The following PTPRD variants were observed in gnomAD, a reference collection of about 807,000 sequenced individuals.
PTPRD encodes the protein protein tyrosine phosphatase receptor type D.
PTPRD carries 34 observed loss-of-function variants against 214.5 expected under a neutral mutation model. That is an observed-to-expected ratio of 0.16 (90% confidence interval 0.12 to 0.21). The LOEUF is 0.21. Ranked by LOEUF, PTPRD falls within the 10% of genes least tolerant of loss-of-function variation. The pLI, the probability that PTPRD is intolerant of heterozygous loss-of-function variation, is 1.00. For missense variants in PTPRD, 2,545 were observed against 2,398.7 expected (o/e 1.06, Z -1.27); for synonymous variants, 1,128 against 845.7 (o/e 1.33, Z -5.79).
intron 2 of PTPRD, among the ~76,000 whole-genome samples, chr9:10,446,970 T>TA (rs1390631905): frequency 6.6e-6 from 1 of 152,160 alleles, no homozygotes; most frequent in African/African-American, 2.4e-5. Flanking sequence ...AAAGGGTATT[T>TA]AGTGAGACGA....
intron 9 of PTPRD, among the ~76,000 whole-genome samples, chr9:9,210,460 T>G (rs1306811524): frequency 6.6e-6 from 1 of 152,208 alleles, no homozygotes; most frequent in African/African-American, 2.4e-5. Flanking sequence ...ATAATTTATT[T>G]TAATGCCTAC....
intron 11 of PTPRD, among the ~76,000 whole-genome samples, chr9:8,893,290 G>T (rs1037568176): frequency 6.6e-6 from 1 of 152,170 alleles, no homozygotes; most frequent in Non-Finnish European, 1.5e-5. Context: ...ATTGTATTGG[G>T]CAGCAGCCAC....
intron 9 of PTPRD, among the ~76,000 whole-genome samples, chr9:9,241,080 C>G (rs1018779084): frequency 1.3e-5 from 2 of 152,022 alleles, no homozygotes; most frequent in Non-Finnish European, 2.9e-5. Flanking sequence ...TGTGAACGTG[C>G]TCATCGAGAT....
At chr9:9,129,011 A>G (rs2099838428) in intron 10 of PTPRD, among the ~76,000 whole-genome samples, 2 of 152,354 alleles carry the variant, frequency 1.3e-5, no homozygotes, top group Admixed American at 1.3e-4. Context: ...ATAAAGCTGT[A>G]TTTCATTCTT....
chr9:8,407,301 G>T (rs978341090), intron 35 of PTPRD, among the ~76,000 whole-genome samples: 2 of 152,164 alleles, frequency 1.3e-5, no homozygotes, highest in African/African-American at 2.4e-5. Context: ...TTACAAGGTA[G>T]GTATTGTTTT....
intron 2 of PTPRD, among the ~76,000 whole-genome samples, chr9:10,502,166 A>G: frequency 6.6e-6 from 1 of 152,050 alleles, no homozygotes; most frequent in African/African-American, 2.4e-5. Context: ...AAAGAGAGGG[A>G]TTTTCAAGTA....
chr9:10,532,966 G>A (rs1395167047), intron 2 of PTPRD, among the ~76,000 whole-genome samples: 1 of 152,170 alleles, frequency 6.6e-6, no homozygotes, highest in Middle Eastern at 3.4e-3. Context: ...GGGATGTAGG[G>A]TCTAGAGGAA....
chr9:9,470,931 G>A (rs1280336228), intron 8 of PTPRD, among the ~76,000 whole-genome samples: 3 of 152,160 alleles, frequency 2.0e-5, no homozygotes, highest in African/African-American at 7.2e-5. Context: ...TGGTGGGATG[G>A]AAACTTAGAC....
At chr9:9,430,050 A>G (rs2082484519) in intron 8 of PTPRD, among the ~76,000 whole-genome samples, 1 of 152,226 alleles carries the variant, frequency 6.6e-6, no homozygotes, top group Non-Finnish European at 1.5e-5. Context: ...AGTTCTGGCC[A>G]GGGCAATCAG....
rs1233884159 is a variant in PTPRD, at chr9:9,118,771, T to A, written c.-143+64533A>T. ...CAATATACCCTGCCCTTTTTATTTT[T>A]ATAATTTCAATTCCAAATGATCAGT... is the stretch of plus-strand genomic sequence containing the variant. On this transcript the variant is annotated intron_variant, in intron 10 of 45. Transcript: ENST00000381196. Among the ~76,000 whole-genome samples the A allele has an allele frequency of 2.0e-5, 3 of 152,182 alleles. No homozygotes were observed. The East Asian group carries it at 5.8e-4, about 29-fold the overall frequency.
intron 8 of PTPRD, among the ~76,000 whole-genome samples, chr9:9,565,808 AT>A (rs933965905): frequency 9.9e-5 from 15 of 152,034 alleles, no homozygotes; most frequent in African/African-American, 3.6e-4. Flanking sequence ...GTTTCCTAGG[AT>A]TTTGAAGAAT....
intron 2 of PTPRD, among the ~76,000 whole-genome samples, chr9:10,543,519 C>T (rs977142406): frequency 2.7e-5 from 4 of 148,048 alleles, no homozygotes; most frequent in African/African-American, 9.9e-5. Context: ...CACACACACA[C>T]GTACACACAC....
intron 7 of PTPRD, among the ~76,000 whole-genome samples, chr9:9,658,585 C>T (rs1484427172): frequency 6.6e-6 from 1 of 152,036 alleles, no homozygotes; most frequent in Non-Finnish European, 1.5e-5. Flanking sequence ...TGTGAGATCC[C>T]TTCATTGTTC....
chr9:9,459,454 C>T (rs189671562), intron 8 of PTPRD, among the ~76,000 whole-genome samples: 4 of 152,154 alleles, frequency 2.6e-5, no homozygotes, highest in Admixed American at 2.6e-4. Context: ...CTAGAAAACT[C>T]TGAAGATTCT....
At chr9:10,250,409 C>A (rs915299508) in intron 3 of PTPRD, among the ~76,000 whole-genome samples, 5 of 152,024 alleles carry the variant, frequency 3.3e-5, no homozygotes, top group Admixed American at 1.3e-4. Context: ...TGTACTGGAA[C>A]CAAATTTCGC....
intron 10 of PTPRD, among the ~76,000 whole-genome samples, chr9:9,107,655 T>C (rs1021136101): frequency 6.6e-6 from 1 of 152,162 alleles, no homozygotes; most frequent in Non-Finnish European, 1.5e-5. Context: ...ATATATGGAC[T>C]TACTTGTCCT....
chr9:10,133,238 A>T (rs2098914898), intron 3 of PTPRD, among the ~76,000 whole-genome samples: 1 of 152,130 alleles, frequency 6.6e-6, no homozygotes, highest in East Asian at 1.9e-4. Flanking sequence ...TACAGAGGAG[A>T]ACTGAAACAG....
chr9:8,721,018 G>A (rs535963362), intron 12 of PTPRD, among the ~76,000 whole-genome samples: 6 of 151,026 alleles, frequency 4.0e-5, no homozygotes, highest in East Asian at 3.9e-4. Context: ...CTCTAGGCAG[G>A]TCATCTACTC....
At chr9:10,394,776 T>C (rs1170922406) in intron 2 of PTPRD, among the ~76,000 whole-genome samples, 1 of 63,290 alleles carries the variant, frequency 1.6e-5, no homozygotes, top group Non-Finnish European at 3.0e-5. Context: ...TTTTGATTTT[T>C]GTTAAATAGA....
Sources: allele counts gnomAD v4.1 joint callset (sites outside exome capture counted in the v4.1 genomes callset), GRCh38; gene constraint gnomAD v4.1.1; transcripts MANE v1.5; gene names NCBI Gene and HGNC (gene_info 2026-07-23, HGNC 2026-07-21).